Variants in HS2ST1 observed in about 807,000 individuals in gnomAD.
The protein encoded by HS2ST1 is heparan sulfate 2-O-sulfotransferase 1, also known as 2-O-sulfotransferase.
In HS2ST1, 18 loss-of-function variants were observed where a neutral mutation model predicts 42.9. The ratio of observed to expected loss-of-function variants is 0.42; its 90% CI spans 0.29 to 0.62. The LOEUF is 0.62. Ranked by LOEUF, HS2ST1 falls within the 20% of genes least tolerant of loss-of-function variation. The probability of loss-of-function intolerance (pLI) is 0.21; values close to 1 mark genes in which losing one functional copy is unlikely to be tolerated. For synonymous variants in HS2ST1, 146 were observed against 152.9 expected (o/e 0.95, Z 0.33); for missense variants, 334 against 433.8 (o/e 0.77, Z 2.04).
chr1:87,039,782 C>T (rs778922473), intron 1 of HS2ST1, among the ~76,000 whole-genome samples: 12 of 152,096 alleles, frequency 7.9e-5, no homozygotes, highest in Non-Finnish European at 2.9e-5. Context: ...ACTAATTAAA[C>T]AGGTAGGTGG....
At chr1:87,012,602 C>G (rs969002974) in intron 1 of HS2ST1, among the ~76,000 whole-genome samples, 1 of 152,176 alleles carries the variant, frequency 6.6e-6, no homozygotes, top group African/African-American at 2.4e-5. Context: ...CATTCTGCCC[C>G]TGGCCCCTCC....
Position 86,923,023 on chromosome 1 carries a change from T to G in HS2ST1, c.124+7863T>G, listed in dbSNP as rs186341894. Among the ~76,000 whole-genome samples the G allele has an allele frequency of 3.3e-3, 498 of 151,604 alleles. 2 individuals are homozygous for G. The highest frequency in any genetic ancestry group is 0.011 in the African/African-American group (453 of 41,278). ...GTTCTATTCATCATTCTCAGTCTTT[T>G]TGTGTGTGTGTGTGTTGTTTTAGAT... is the stretch of plus-strand genomic sequence containing the variant. On this transcript the variant is annotated intron_variant, in intron 1 of 6. Transcript: ENST00000370550.
At chr1:86,939,565 A>G (rs1285307289) in intron 1 of HS2ST1, among the ~76,000 whole-genome samples, 1 of 152,194 alleles carries the variant, frequency 6.6e-6, no homozygotes, top group Non-Finnish European at 1.5e-5. Context: ...TCTTGGCTAC[A>G]TGTAGGAATC....
chr1:87,001,938 A>G (rs1362705678), intron 1 of HS2ST1, among the ~76,000 whole-genome samples: 2 of 147,668 alleles, frequency 1.4e-5, no homozygotes, highest in Non-Finnish European at 3.0e-5. Context: ...TTTGAGATGG[A>G]ATCTTGCTGT....
At chr1:87,044,980 A>C in intron 1 of HS2ST1, 1 of 1,595,456 alleles carries the variant, frequency 6.3e-7, no homozygotes, top group Admixed American at 1.7e-5. Flanking sequence ...TCTATACGTG[A>C]CCTCTTTGCA....
intron 1 of HS2ST1, chr1:86,993,181 CA>C: frequency 6.4e-7 from 1 of 1,562,284 alleles, no homozygotes; most frequent in Non-Finnish European, 8.7e-7. Context: ...ACTTTCATTT[CA>C]AAAGCTTTTA....
intron 1 of HS2ST1, among the ~76,000 whole-genome samples, chr1:87,022,955 A>T (rs995493431): frequency 6.6e-6 from 1 of 152,150 alleles, no homozygotes; most frequent in African/African-American, 2.4e-5. Flanking sequence ...GCTGAGGTGG[A>T]TGTAGGAGGT....
At chr1:86,927,019 TGATGAACCATCTGGCTCCAGAA>T (rs1660435661) in intron 1 of HS2ST1, among the ~76,000 whole-genome samples, 1 of 152,208 alleles carries the variant, frequency 6.6e-6, no homozygotes, top group Non-Finnish European at 1.5e-5. Context: ...TCAGACTGGC[TGATGAACCATCTGGCTCCAGAA>T]GAGGTTTTTG....
intron 1 of HS2ST1, among the ~76,000 whole-genome samples, chr1:87,064,198 A>G (rs1384368259): frequency 2.6e-5 from 4 of 152,170 alleles, no homozygotes; most frequent in Admixed American, 2.0e-4. Flanking sequence ...GCTACAGAGA[A>G]TAGGTTTTTG....
chr1:87,047,992 G>C (rs1383869879), intron 1 of HS2ST1, among the ~76,000 whole-genome samples: 1 of 151,998 alleles, frequency 6.6e-6, no homozygotes, highest in African/African-American at 2.4e-5. Flanking sequence ...ATTTTGATTG[G>C]GATTGCATGG....
intron 1 of HS2ST1, among the ~76,000 whole-genome samples, chr1:87,008,826 A>AGTTGT (rs151227173): frequency 0.088 from 13,359 of 152,054 alleles, 825 homozygotes; most frequent in East Asian, 0.3. Flanking sequence ...ATTCAGAAGG[A>AGTTGT]GTTGTGTTGT....
chr1:86,956,747 T>C (rs1159805594), intron 1 of HS2ST1, among the ~76,000 whole-genome samples: 1 of 152,152 alleles, frequency 6.6e-6, no homozygotes, highest in Admixed American at 6.5e-5. Context: ...CCAGAAAAAA[T>C]ATATTACCCT....
chr1:87,056,638 A>G (rs886537223), intron 1 of HS2ST1, among the ~76,000 whole-genome samples: 2 of 152,222 alleles, frequency 1.3e-5, no homozygotes, highest in South Asian at 2.1e-4. Flanking sequence ...CGCTATGAAC[A>G]TAACAGTTTC....
At chr1:86,964,300 A>T (rs1186782625) in intron 1 of HS2ST1, among the ~76,000 whole-genome samples, 1 of 152,124 alleles carries the variant, frequency 6.6e-6, no homozygotes, top group Admixed American at 6.5e-5. Flanking sequence ...TGGGAGGTGG[A>T]GGTTGTAGCT....
At chr1:87,068,932 A>G (rs75860472) in intron 1 of HS2ST1, among the ~76,000 whole-genome samples, 2,346 of 152,244 alleles carry the variant, frequency 0.015, 63 homozygotes, top group African/African-American at 0.053. Flanking sequence ...GGCTTAAGCA[A>G]TCCTCCTCCC....
At chr1:87,046,299 G>A in intron 1 of HS2ST1, 1 of 732,512 alleles carries the variant, frequency 1.4e-6, no homozygotes. Context: ...AACCTCTCCT[G>A]ACTGTACAAT....
chr1:87,070,524 C>T (rs548296415), intron 1 of HS2ST1, among the ~76,000 whole-genome samples: 17 of 152,020 alleles, frequency 1.1e-4, no homozygotes, highest in African/African-American at 3.9e-4. Context: ...CTGGGGAGGT[C>T]GAGGCTGCAG....
chr1:87,063,792 T>A (rs1436980569), intron 1 of HS2ST1, among the ~76,000 whole-genome samples: 1 of 152,224 alleles, frequency 6.6e-6, no homozygotes, highest in African/African-American at 2.4e-5. Context: ...TCCTGTTATT[T>A]TGGTGTTGGT....
At chr1:87,008,694 A>G (rs1649509126) in intron 1 of HS2ST1, among the ~76,000 whole-genome samples, 2 of 152,210 alleles carry the variant, frequency 1.3e-5, no homozygotes, top group African/African-American at 4.8e-5. Context: ...AGTGGGTACA[A>G]CTGTTTGTGT....
Sources: gnomAD v4.1 joint callset for allele counts (sites outside exome capture counted in the v4.1 genomes callset) on GRCh38, gnomAD v4.1.1 for gene constraint, MANE v1.5 for transcripts, NCBI Gene and HGNC (gene_info 2026-07-23, HGNC 2026-07-21) for gene names.